Variants in SGCZ observed in about 807,000 individuals in gnomAD.
SGCZ encodes the protein sarcoglycan zeta.
A neutral mutation model predicts 41.3 loss-of-function variants in SGCZ; 40 were observed. The observed-to-expected ratio is 0.97, with a 90% CI of 0.75 to 1.26. SGCZ has a LOEUF of 1.26. Among genes scored for constraint, SGCZ ranks in the 50% most tolerant of loss-of-function variants. SGCZ has a pLI of 0.00. For synonymous variants in SGCZ, 206 were observed against 137.5 expected (o/e 1.50, Z -3.49); for missense variants, 552 against 369.8 (o/e 1.49, Z -4.04).
At chr8:15,089,501 T>C (rs540313516) in intron 1 of SGCZ, among the ~76,000 whole-genome samples, 1 of 152,086 alleles carries the variant, frequency 6.6e-6, no homozygotes, top group East Asian at 1.9e-4. Context: ...AGTTTTACCA[T>C]ACAGTGATAC....
rs1801475754 is a variant in SGCZ at position 14,479,742 on chromosome 8, TTTTTTTTTTTTTTTTTTTTA to T, written c.234+74970_234+74989del. 3.6e-4 allele frequency among the ~76,000 whole-genome samples: 8 copies of T among 22,336 alleles called. 1 individual carries two copies. The highest frequency in any genetic ancestry group is 3.2e-3 in the Admixed American group (7 of 2,162). The allele number at this position is 22,336 out of a possible 152,430, so 14.7% of individuals were successfully genotyped here. On this transcript the variant is annotated intron_variant, in intron 2 of 7. Transcript: ENST00000382080. ...CCAGAATTCTACTTCTTTTTTTTTT[TTTTTTTTTTTTTTTTTTTTA>T]TTTGAGATGGAGTTTAGCTCTTGCA...
In SGCZ at chr8:14,101,605, G is replaced by C. The variant is rs373917112; in HGVS notation, c.744+771C>G. On this transcript the variant is annotated intron_variant, in intron 7 of 7. Coordinates refer to ENST00000382080, the MANE Select transcript of SGCZ (RefSeq NM_139167.4). ...TTAAAGGAAATTCTTGGGGAATAAA[G>C]GTAATATAGAAGAAAAATACTAATG... Among the ~76,000 whole-genome samples the C allele has an allele frequency of 4.8e-5, 4 of 83,508 alleles. No individual in the cohort carries two copies. In the East Asian group the frequency reaches 1.1e-3, roughly 24 times the overall value. The allele number at this position is 83,508 out of a possible 152,430, so 54.8% of individuals were successfully genotyped here. A position where few individuals can be genotyped will look rare whatever the true frequency, so the allele number is the denominator to read the frequency against.
At chr8:14,701,642 C>A (rs1204955845) in intron 1 of SGCZ, among the ~76,000 whole-genome samples, 2 of 152,082 alleles carry the variant, frequency 1.3e-5, no homozygotes, top group East Asian at 1.9e-4. Flanking sequence ...CTTATTCCTG[C>A]AGCTTTCTCT....
At chr8:14,535,867 T>C (rs1803280097) in intron 2 of SGCZ, among the ~76,000 whole-genome samples, 2 of 151,870 alleles carry the variant, frequency 1.3e-5, no homozygotes, top group South Asian at 2.1e-4. Context: ...TTAAAAACCA[T>C]GACGGCATGT....
intron 4 of SGCZ, among the ~76,000 whole-genome samples, chr8:14,202,465 T>C (rs1169629153): frequency 1.3e-5 from 2 of 152,134 alleles, no homozygotes; most frequent in African/African-American, 4.8e-5. Context: ...ATGTACCAAC[T>C]CTTGTCTATT....
chr8:14,106,756 T>C (rs947597694), intron 6 of SGCZ, among the ~76,000 whole-genome samples: 1 of 152,244 alleles, frequency 6.6e-6, no homozygotes, highest in Non-Finnish European at 1.5e-5. Flanking sequence ...CTCAGGTTGA[T>C]ACTATGATCC....
At position 14,306,090 on chromosome 8, in the gene SGCZ, CTAT is replaced by C. The variant is rs547510649; in HGVS notation, c.336+18010_336+18012del. On this transcript the variant is annotated intron_variant, in intron 3 of 7. Transcript: ENST00000382080. ...CAAAATGAATCCTTGTGGTTTTAAG[CTAT>C]TAAGTTTTGGGCAAAGGTTTTTTGT... 2.8e-4 allele frequency among the ~76,000 whole-genome samples: 43 copies of C among 152,286 alleles called. 1 individual carries two copies. The South Asian group carries it at 8.9e-3, about 32-fold the overall frequency.
intron 2 of SGCZ, among the ~76,000 whole-genome samples, chr8:14,357,566 T>C (rs1402362242): frequency 2.0e-5 from 3 of 152,162 alleles, no homozygotes; most frequent in East Asian, 1.9e-4. Flanking sequence ...GTAAGACATA[T>C]GGCAAAAGGG....
intron 4 of SGCZ, among the ~76,000 whole-genome samples, chr8:14,212,320 G>A (rs557604642): frequency 6.6e-6 from 1 of 152,110 alleles, no homozygotes; most frequent in African/African-American, 2.4e-5. Flanking sequence ...TATGGCCACG[G>A]CATCTCCAAC....
chr8:14,311,815 T>C (rs1321958842), intron 3 of SGCZ, among the ~76,000 whole-genome samples: 1 of 150,526 alleles, frequency 6.6e-6, no homozygotes, highest in Non-Finnish European at 1.5e-5. Flanking sequence ...TGTATGTAAA[T>C]ACACTGTAAT....
At chr8:14,986,068 C>G (rs113722135) in intron 1 of SGCZ, among the ~76,000 whole-genome samples, 54 of 151,798 alleles carry the variant, frequency 3.6e-4, no homozygotes, top group Non-Finnish European at 7.5e-4. Flanking sequence ...GTAAATTACA[C>G]TAAATATATG....
intron 1 of SGCZ, among the ~76,000 whole-genome samples, chr8:15,135,079 G>T (rs2116982506): frequency 6.6e-6 from 1 of 152,170 alleles, no homozygotes; most frequent in Non-Finnish European, 1.5e-5. Context: ...CCTAAATATG[G>T]TTCCCTACAG....
chr8:15,018,923 A>C (rs1803144597), intron 1 of SGCZ, among the ~76,000 whole-genome samples: 1 of 152,232 alleles, frequency 6.6e-6, no homozygotes, highest in Admixed American at 6.5e-5. Context: ...AGGCCTTAGG[A>C]AACTTACAGT....
chr8:14,301,014 C>T lies in SGCZ; in HGVS notation c.336+23089G>A, dbSNP rs1046896551. 5.3e-5 allele frequency among the ~76,000 whole-genome samples: 8 copies of T among 151,916 alleles called. No individual in the cohort carries two copies. The East Asian group carries it at 5.8e-4, about 11-fold the overall frequency. On this transcript the variant is annotated intron_variant, in intron 3 of 7. Transcript: ENST00000382080. ...AAAGCTCGTATATATGAGTAAGATT[C>T]GACACCCCCACTTATGATGTGAGAA... is the stretch of plus-strand genomic sequence containing the variant.
chr8:14,252,129 T>C (rs1799310482), intron 3 of SGCZ, among the ~76,000 whole-genome samples: 3 of 152,280 alleles, frequency 2.0e-5, no homozygotes, highest in African/African-American at 7.2e-5. Context: ...TGTTATATCT[T>C]CCTTCATTCT....
At chr8:14,116,188 AT>A (rs1241520715) in intron 5 of SGCZ, among the ~76,000 whole-genome samples, 2 of 152,062 alleles carry the variant, frequency 1.3e-5, no homozygotes, top group East Asian at 1.9e-4. Context: ...TTCTACAAAT[AT>A]TTTTTACTCT....
chr8:14,951,198 A>G (rs189994073), intron 1 of SGCZ, among the ~76,000 whole-genome samples: 2,920 of 152,100 alleles, frequency 0.019, 32 homozygotes, highest in Non-Finnish European at 0.029. Flanking sequence ...TTATACCTCA[A>G]TCATATTTGT....
Position 14,676,345 on chromosome 8 carries a change from G to GGTGTGTGTGTGTGTGTGTGTGT in SGCZ, c.40-121420_40-121419insACACACACACACACACACACAC. On this transcript the variant is annotated intron_variant, in intron 1 of 7. Transcript: ENST00000382080. ...ATCCCACCTCTACAAAAATGAAATA[G>GGTGTGTGTGTGTGTGTGTGTGT]ATGTGTGTGTGTGTGTGTGTGTGTA... 6.9e-5 allele frequency among the ~76,000 whole-genome samples: 4 copies of GGTGTGTGTGTGTGTGTGTGTGT among 57,908 alleles called. No homozygotes were observed. The East Asian group carries it at 4.2e-3, about 60-fold the overall frequency. 38.0% of individuals were successfully genotyped at this position (57,908 alleles called of 152,430 possible). A position where few individuals can be genotyped will look rare whatever the true frequency, so the allele number is the denominator to read the frequency against.
At chr8:14,722,769 G>C (rs992328320) in intron 1 of SGCZ, among the ~76,000 whole-genome samples, 11 of 152,078 alleles carry the variant, frequency 7.2e-5, no homozygotes, top group African/African-American at 2.7e-4. Flanking sequence ...TAGGCAGAGG[G>C]AGGGGCAAGC....
Sources: allele counts gnomAD v4.1 joint callset (sites outside exome capture counted in the v4.1 genomes callset), GRCh38; gene constraint gnomAD v4.1.1; transcripts MANE v1.5; gene names NCBI Gene and HGNC (gene_info 2026-07-23, HGNC 2026-07-21).